KCNK10: variants seen among roughly 807,000 people sequenced by gnomAD.
The protein encoded by KCNK10 is potassium two pore domain channel subfamily K member 10, also known as potassium channel subfamily K member 10.
KCNK10 carries 25 observed loss-of-function variants against 47.7 expected under a neutral mutation model. The observed-to-expected ratio is 0.52, with a 90% CI of 0.38 to 0.73. KCNK10 has a LOEUF of 0.73. Among genes scored for constraint, KCNK10 ranks in the 30% least tolerant of loss-of-function variants. KCNK10 has a pLI of 0.00. For synonymous variants in KCNK10, 303 were observed against 285.6 expected, an observed-to-expected ratio of 1.06 and a Z score of -0.61; for missense variants, 563 against 714.5, an observed-to-expected ratio of 0.79 and a Z score of 2.42.
chr14:88,225,865 A>G (rs1951359), intron 4 of KCNK10, among the ~76,000 whole-genome samples: 6,128 of 152,306 alleles, frequency 0.04, 410 homozygotes, highest in African/African-American at 0.14. Context: ...GAAGAACTAA[A>G]CATCTGAAAA....
intron 4 of KCNK10, among the ~76,000 whole-genome samples, chr14:88,203,679 C>T (rs1454129287): frequency 1.3e-5 from 2 of 152,170 alleles, no homozygotes; most frequent in South Asian, 2.1e-4. Flanking sequence ...GAGTGGTGTC[C>T]GTCTCCCTCA....
chr14:88,227,131 A>G (rs1292913142), intron 4 of KCNK10, among the ~76,000 whole-genome samples: 1 of 152,226 alleles, frequency 6.6e-6, no homozygotes, highest in Non-Finnish European at 1.5e-5. Flanking sequence ...GTGTTGGCAA[A>G]TCCATACTTA....
intron 1 of KCNK10, among the ~76,000 whole-genome samples, chr14:88,297,090 C>T (rs899044714): frequency 6.6e-6 from 1 of 152,160 alleles, no homozygotes; most frequent in African/African-American, 2.4e-5. Flanking sequence ...AAATATGGCT[C>T]TTGTTCCAGT....
In KCNK10 at chr14:88,322,718, G is replaced by A. The variant is rs1293637104; in HGVS notation, c.52+29C>T. On this transcript the variant is annotated intron_variant, in intron 1 of 6. Transcript: ENST00000319231. The surrounding 1 kb of genome is among the most constrained non-coding windows in gnomAD (Gnocchi z 4.8). ...CACACGCCGGAGACAGAGGCAGGGC[G>A]AGGGCAGCCAAAAGTAGGAAACACC... 6.2e-7 allele frequency: 1 copy of A among 1,613,932 alleles called. No homozygotes were observed. The highest frequency in any genetic ancestry group is 8.5e-7 in the Non-Finnish European group (1 of 1,179,878).
chr14:88,310,200 T>TATGC (rs1888291229), intron 1 of KCNK10, among the ~76,000 whole-genome samples: 1 of 123,802 alleles, frequency 8.1e-6, no homozygotes, highest in Non-Finnish European at 1.9e-5. Flanking sequence ...TATCATATGG[T>TATGC]ATATGATATA....
chr14:88,235,463 A>G (rs1028604155), intron 3 of KCNK10: 13 of 253,862 alleles, frequency 5.1e-5, no homozygotes, highest in Non-Finnish European at 8.0e-5. Flanking sequence ...ATCTTCACAG[A>G]GAAGCCAAAA....
chr14:88,307,637 T>C (rs970091534), intron 1 of KCNK10, among the ~76,000 whole-genome samples: 2 of 152,218 alleles, frequency 1.3e-5, no homozygotes, highest in African/African-American at 4.8e-5. Flanking sequence ...AAGCTCTTAT[T>C]TTTTAAAAAT....
chr14:88,203,108 G>A (rs1211580395), intron 4 of KCNK10, among the ~76,000 whole-genome samples: 1 of 152,148 alleles, frequency 6.6e-6, no homozygotes, highest in Non-Finnish European at 1.5e-5. Flanking sequence ...GCCATTCCAG[G>A]GATGGTGGTA....
chr14:88,250,520 T>C (rs1566702300), intron 2 of KCNK10, among the ~76,000 whole-genome samples: 1 of 152,134 alleles, frequency 6.6e-6, no homozygotes, highest in African/African-American at 2.4e-5. Flanking sequence ...CTGCTTGAAA[T>C]AGGGGATGGC....
At chr14:88,211,280 T>C (rs1010813261) in intron 4 of KCNK10, among the ~76,000 whole-genome samples, 1 of 152,162 alleles carries the variant, frequency 6.6e-6, no homozygotes, top group African/African-American at 2.4e-5. Context: ...TATGACTCCA[T>C]TGACATGAGG....
At chr14:88,317,976 A>T (rs1053215014) in intron 1 of KCNK10, among the ~76,000 whole-genome samples, 1 of 152,230 alleles carries the variant, frequency 6.6e-6, no homozygotes, top group African/African-American at 2.4e-5. Context: ...TATTTATTGG[A>T]CACTGACCAT....
At chr14:88,267,898 A>C (rs1887306327) in intron 1 of KCNK10, among the ~76,000 whole-genome samples, 1 of 152,172 alleles carries the variant, frequency 6.6e-6, no homozygotes, top group Admixed American at 6.5e-5. Context: ...GCACTTACTC[A>C]TGCTGTCACT....
rs1884413438 is a variant in KCNK10 at position 88,182,751 on chromosome 14, T to TG, written c.*2783dup. 6.6e-6 allele frequency: 1 copy of TG among 152,388 alleles called. No individual in the cohort carries two copies. The highest frequency in any genetic ancestry group is 2.4e-5 in the African/African-American group (1 of 41,464). The allele number at this position is 152,388 out of a possible 1,614,324, so 9.4% of individuals were successfully genotyped here. A position where few individuals can be genotyped will look rare whatever the true frequency, so the allele number is the denominator to read the frequency against. ...AAGCATCTATGCACATACCAACACA[T>TG]GCACCTGTTCCATTTGGTAGAGTAT... On this transcript the variant is annotated 3_prime_UTR_variant, in exon 7 of 7. Coordinates refer to ENST00000319231, the MANE Select transcript of KCNK10 (RefSeq NM_138317.3).
At chr14:88,295,027 T>C (rs1205656670) in intron 1 of KCNK10, among the ~76,000 whole-genome samples, 2 of 152,246 alleles carry the variant, frequency 1.3e-5, no homozygotes, top group South Asian at 4.1e-4. Context: ...CGAGACTTTA[T>C]GACCCTCTTT....
chr14:88,284,343 G>A (rs981933929), intron 1 of KCNK10, among the ~76,000 whole-genome samples: 4 of 152,104 alleles, frequency 2.6e-5, no homozygotes, highest in African/African-American at 9.7e-5. Context: ...CAGGGCTCTC[G>A]AGAAAGACAG....
intron 2 of KCNK10, among the ~76,000 whole-genome samples, chr14:88,244,257 A>G (rs1886561241): frequency 6.6e-6 from 1 of 152,232 alleles, no homozygotes; most frequent in Admixed American, 6.5e-5. Flanking sequence ...TTAACTCAAT[A>G]ATAATAATTC....
chr14:88,193,941 A>G (rs1884829359), intron 4 of KCNK10, among the ~76,000 whole-genome samples: 1 of 152,208 alleles, frequency 6.6e-6, no homozygotes, highest in African/African-American at 2.4e-5. Flanking sequence ...GTGAAGGAAG[A>G]CTGAGAATAA....
chr14:88,249,810 T>A (rs1279526654), intron 2 of KCNK10, among the ~76,000 whole-genome samples: 1 of 152,202 alleles, frequency 6.6e-6, no homozygotes, highest in African/African-American at 2.4e-5. Context: ...AGCGATATAA[T>A]TAATACTGAA....
At chr14:88,238,224 G>C (rs987137446) in intron 3 of KCNK10, among the ~76,000 whole-genome samples, 1 of 152,230 alleles carries the variant, frequency 6.6e-6, no homozygotes, top group African/African-American at 2.4e-5. Context: ...GAGCCCGCTT[G>C]CTCTGAATTA....
Sources: allele counts gnomAD v4.1 joint callset (sites outside exome capture counted in the v4.1 genomes callset), GRCh38; gene constraint gnomAD v4.1.1; non-coding constraint Gnocchi (gnomAD v3.1); transcripts MANE v1.5; gene names NCBI Gene and HGNC (gene_info 2026-07-23, HGNC 2026-07-21).